The following ZNF638 variants were observed in gnomAD, a reference collection of about 807,000 sequenced individuals.
ZNF638 encodes zinc finger protein 638.
ZNF638 carries 46 observed loss-of-function variants against 195.6 expected under a neutral mutation model. The ratio of observed to expected loss-of-function variants is 0.24; its 90% CI spans 0.19 to 0.30. The LOEUF (loss-of-function observed/expected upper bound fraction) is 0.30, where lower values mean the gene tolerates loss of function less well. ZNF638 is among the 10% of genes least tolerant of loss of function. The probability of loss-of-function intolerance (pLI) is 1.00; values close to 1 mark genes in which losing one functional copy is unlikely to be tolerated. For missense variants in ZNF638, 2,440 were observed against 2,325.3 expected, an observed-to-expected ratio of 1.05 and a Z score of -1.01; for synonymous variants, 845 against 772.0, an observed-to-expected ratio of 1.09 and a Z score of -1.57.
intron 8 of ZNF638, among the ~76,000 whole-genome samples, chr2:71,377,195 G>T (rs1226366215): frequency 6.6e-6 from 1 of 152,120 alleles, no homozygotes; most frequent in Non-Finnish European, 1.5e-5. Context: ...AGCCTGGGAG[G>T]CGGAGGTTGG....
chr2:71,424,054 A>G lies in ZNF638; in HGVS notation c.4524+16A>G, dbSNP rs1246860112. 3.7e-6 allele frequency: 6 copies of G among 1,605,846 alleles called. No homozygotes were observed. The Admixed American group carries it at 1.0e-4, about 27-fold the overall frequency. ...CAACAATAAGGTGAGGAGGGTAGGA[A>G]GAATGGCACAGTGTGTCTTTGAAGT... On this transcript the variant is annotated intron_variant, in intron 22 of 27. Coordinates refer to ENST00000264447, the MANE Select transcript of ZNF638 (RefSeq NM_014497.5).
At chr2:71,345,893 A>G (rs185186863) in intron 1 of ZNF638, among the ~76,000 whole-genome samples, 39 of 152,332 alleles carry the variant, frequency 2.6e-4, no homozygotes, top group Admixed American at 2.3e-3. Context: ...TGGCCAGGCA[A>G]CATCTTTGTA....
rs755419615 is a variant in ZNF638, at chr2:71,398,658, C to T, written c.2429-43C>T. On this transcript the variant is annotated intron_variant, in intron 11 of 27. Coordinates refer to ENST00000264447, the MANE Select transcript of ZNF638 (RefSeq NM_014497.5). Reference sequence around the variant, plus strand: ...TGAGGTTCTTTGGAGATTGTTGATACTAGTTAAGTAAACCAGTTTTGACTG... The same window carrying T: ...TGAGGTTCTTTGGAGATTGTTGATATTAGTTAAGTAAACCAGTTTTGACTG... 9 of 1,457,212 alleles carry T rather than the reference C, an allele frequency of 6.2e-6. No individual in the cohort carries two copies. In the East Asian group the frequency reaches 1.8e-4, roughly 29 times the overall value. The allele number at this position is 1,457,212 out of a possible 1,614,324, so 90.3% of individuals were successfully genotyped here.
chr2:71,423,313 A>C lies in ZNF638; in HGVS notation c.3799A>C (p.Lys1267Gln). Residue 1267 changes from lysine (K) to glutamine (Q), a missense_variant, in exon 22 of 28, where the codon AAA becomes CAA. Physicochemically the swap from Lys to Gln is moderately conservative, Grantham distance 53 (BLOSUM62 1). Transcript: ENST00000264447. ...GGTAGAAGCTGTAGCTGAAGTAGAAAAAAATGAAACTGTTTCGGAAATATT... is the reference window on the plus strand; with the variant it reads ...GGTAGAAGCTGTAGCTGAAGTAGAACAAAATGAAACTGTTTCGGAAATATT... ...TMVEAVAEVE[K>Q]NETVSEILPS... The C allele has an allele frequency of 6.2e-7, 1 of 1,613,976 alleles. No homozygotes were observed. The highest frequency in any genetic ancestry group is 8.5e-7 in the Non-Finnish European group (1 of 1,179,988).
chr2:71,341,113 T>C (rs1281184352), intron 1 of ZNF638, among the ~76,000 whole-genome samples: 1 of 152,228 alleles, frequency 6.6e-6, no homozygotes, highest in Non-Finnish European at 1.5e-5. Flanking sequence ...TCTGTGGTAT[T>C]GGAGATCTCA....
At chr2:71,395,312 A>G (rs1444212916) in intron 10 of ZNF638, 10 of 716,834 alleles carry the variant, frequency 1.4e-5, no homozygotes, top group Non-Finnish European at 2.3e-5. Flanking sequence ...GCACATCTGT[A>G]CTCTTCAATC....
intron 21 of ZNF638, among the ~76,000 whole-genome samples, chr2:71,420,293 A>G (rs1345895438): frequency 2.0e-5 from 3 of 151,598 alleles, no homozygotes; most frequent in African/African-American, 7.3e-5. Context: ...CTATTTAAAT[A>G]CTGTTTAGAG....
chr2:71,351,553 T>C (rs1024813228), intron 2 of ZNF638, among the ~76,000 whole-genome samples: 14 of 152,164 alleles, frequency 9.2e-5, no homozygotes. Context: ...TACCACATAA[T>C]TTTTTTTAAT....
chr2:71,349,796 A>G lies in ZNF638; in HGVS notation c.842A>G (p.Asn281Ser), dbSNP rs368441378. 2 of 1,614,150 alleles carry G rather than the reference A, an allele frequency of 1.2e-6. No individual in the cohort carries two copies. The change falls in exon 2 of 28, where the codon AAT (asparagine) becomes AGT (serine). Residue 281 changes from asparagine (N) to serine (S), a missense_variant. Physicochemically the swap from Asn to Ser is conservative, Grantham distance 46. Coordinates refer to ENST00000264447, the MANE Select transcript of ZNF638 (RefSeq NM_014497.5). ...QMDFPGESSN[N>S]RSFFSVESGT... The stretch of plus-strand genomic sequence containing the variant: ...GACTTCCCCGGTGAGTCCTCCAATA[A>G]TCGGTCCTTTTTCTCAGTTGAGAGT...
intron 18 of ZNF638, 148 bp downstream of exon 18, chr2:71,405,790 T>TA: frequency 1.5e-6 from 1 of 686,420 alleles, no homozygotes; most frequent in Non-Finnish European, 2.4e-6. Flanking sequence ...TTGGTAACAA[T>TA]AAAAAAATAA....
chr2:71,345,275 A>G (rs1397779580), intron 1 of ZNF638, among the ~76,000 whole-genome samples: 2 of 152,224 alleles, frequency 1.3e-5, no homozygotes, highest in Non-Finnish European at 2.9e-5. Context: ...CATCCACCTC[A>G]GAGAAGGGGT....
chr2:71,359,352 G>A (rs563273777), intron 3 of ZNF638, among the ~76,000 whole-genome samples: 4 of 152,310 alleles, frequency 2.6e-5, no homozygotes, highest in African/African-American at 9.6e-5. Context: ...AGTTGCATAA[G>A]ACTTGGAGTT....
In ZNF638 at chr2:71,363,148, A is replaced by G. The variant is rs1489314681; in HGVS notation, c.1380-5A>G. On this transcript the variant is annotated splice_polypyrimidine_tract_variant and splice_region_variant and intron_variant, in intron 3 of 27. Coordinates refer to ENST00000264447, the MANE Select transcript of ZNF638 (RefSeq NM_014497.5). ...GTTAGTTAATATTGTTTATTTTCAA[A>G]ATAGGTATCCTGATTGGAATCCTGA... 6.3e-7 allele frequency: 1 copy of G among 1,593,732 alleles called. No homozygotes were observed. The highest frequency in any genetic ancestry group is 8.6e-7 in the Non-Finnish European group (1 of 1,167,170).
chr2:71,379,300 G>A (rs1415691327), intron 8 of ZNF638, among the ~76,000 whole-genome samples: 1 of 152,144 alleles, frequency 6.6e-6, no homozygotes, highest in Non-Finnish European at 1.5e-5. Flanking sequence ...ATATTGAATA[G>A]AAAATTCCAG....
intron 23 of ZNF638, 127 bp from the exon 24 acceptor site, chr2:71,426,333 C>T: frequency 1.5e-6 from 1 of 687,988 alleles, no homozygotes; most frequent in Non-Finnish European, 2.4e-6. Flanking sequence ...TAATTTTAGC[C>T]TTTAGGAAAA....
At chr2:71,338,191 G>A (rs13391111) in intron 1 of ZNF638, among the ~76,000 whole-genome samples, 40,033 of 151,992 alleles carry the variant, frequency 0.26, 6,959 homozygotes, top group African/African-American at 0.49. Flanking sequence ...CAAATATCCT[G>A]CTCATTAGAA....
rs953611788 is a variant in ZNF638 at position 71,339,155 on chromosome 2, T to G, written c.-203+7280T>G. On this transcript the variant is annotated intron_variant, in intron 1 of 27. Coordinates refer to ENST00000264447, the MANE Select transcript of ZNF638 (RefSeq NM_014497.5). ...AATGCATTTAGTCGGTTTAGGTTTT[T>G]TTTTTTTTTTTTTATTGAGACGGAG... 5.9e-5 allele frequency among the ~76,000 whole-genome samples: 8 copies of G among 136,132 alleles called. No homozygotes were observed. The South Asian group carries it at 8.8e-4, about 15-fold the overall frequency. 89.3% of individuals were successfully genotyped at this position (136,132 alleles called of 152,430 possible).
chr2:71,432,577 T>C (rs1436144434), intron 26 of ZNF638, among the ~76,000 whole-genome samples: 5 of 152,230 alleles, frequency 3.3e-5, no homozygotes, highest in African/African-American at 1.2e-4. Flanking sequence ...TTCTTTGTTA[T>C]CCGAAGATTC....
At chr2:71,384,495 G>A (rs1040949890) in intron 10 of ZNF638, among the ~76,000 whole-genome samples, 2 of 152,088 alleles carry the variant, frequency 1.3e-5, no homozygotes, top group African/African-American at 4.8e-5. Context: ...TTCATTCCTT[G>A]GTTCTTTATT....
Sources: gnomAD v4.1 joint callset for allele counts (sites outside exome capture counted in the v4.1 genomes callset) on GRCh38, gnomAD v4.1.1 for gene constraint, MANE v1.5 for transcripts, NCBI Gene and HGNC (gene_info 2026-07-23, HGNC 2026-07-21) for gene names.